Variants in PHF12 observed in about 807,000 individuals in gnomAD.
The protein encoded by PHF12 is PHD factor 1.
In PHF12, 6 loss-of-function variants were observed where a neutral mutation model predicts 99.8. The ratio of observed to expected loss-of-function variants is 0.06; its 90% CI spans 0.03 to 0.12. The LOEUF (loss-of-function observed/expected upper bound fraction) is 0.12, where lower values mean the gene tolerates loss of function less well. PHF12 is among the 10% of genes least tolerant of loss of function. PHF12 has a pLI of 1.00. For missense variants in PHF12, 954 were observed against 1,300.1 expected, an observed-to-expected ratio of 0.73 and a Z score of 4.09; for synonymous variants, 480 against 514.9, an observed-to-expected ratio of 0.93 and a Z score of 0.92.
chr17:28,910,172 C>A (rs758780197), intron 11 of PHF12, 54 bp downstream of exon 11: 9 of 1,612,672 alleles, frequency 5.6e-6, no homozygotes, highest in Non-Finnish European at 7.6e-6. Flanking sequence ...GGTGACCATT[C>A]GCACACGTAG....
At chr17:28,942,906 T>C (rs1424148763) in intron 2 of PHF12, among the ~76,000 whole-genome samples, 1 of 152,100 alleles carries the variant, frequency 6.6e-6, no homozygotes, top group Non-Finnish European at 1.5e-5. Flanking sequence ...AGAATACTTG[T>C]AAATCATATA....
intron 2 of PHF12, among the ~76,000 whole-genome samples, chr17:28,947,248 T>C (rs2040736677): frequency 6.6e-6 from 1 of 152,194 alleles, no homozygotes; most frequent in African/African-American, 2.4e-5. Flanking sequence ...CCCAAAGTGC[T>C]GGGATTACAG....
intron 2 of PHF12, among the ~76,000 whole-genome samples, chr17:28,936,923 C>A (rs183018852): frequency 0.016 from 2,478 of 152,228 alleles, 60 homozygotes; most frequent in African/African-American, 0.056. Flanking sequence ...ACTGGCCCTG[C>A]GGCCCTCATC....
At chr17:28,920,661 C>G (rs935992426) in intron 5 of PHF12, among the ~76,000 whole-genome samples, 1 of 152,052 alleles carries the variant, frequency 6.6e-6, no homozygotes, top group African/African-American at 2.4e-5. Context: ...CTCCTGGGTT[C>G]AAGTGATTCT....
chr17:28,931,256 CTT>C (rs34710675), intron 2 of PHF12, among the ~76,000 whole-genome samples: 127 of 127,492 alleles, frequency 1.0e-3, no homozygotes, highest in Non-Finnish European at 9.1e-4. Context: ...GCCATCATTC[CTT>C]TTTTTTTTTT....
intron 10 of PHF12, 104 bp downstream of exon 10, chr17:28,911,008 G>A: frequency 6.6e-7 from 1 of 1,520,256 alleles, no homozygotes; most frequent in Admixed American, 1.9e-5. Flanking sequence ...AGGCCTCTGG[G>A]ATCAGGTGTC....
chr17:28,915,476 C>T (rs2040045391), intron 7 of PHF12, among the ~76,000 whole-genome samples: 1 of 151,976 alleles, frequency 6.6e-6, no homozygotes, highest in Non-Finnish European at 1.5e-5. Flanking sequence ...AGATATGAGT[C>T]TGGATATAAG....
At chr17:28,930,195 T>C (rs915881356) in intron 2 of PHF12, among the ~76,000 whole-genome samples, 2 of 152,184 alleles carry the variant, frequency 1.3e-5, no homozygotes, top group African/African-American at 4.8e-5. Context: ...ACACCACTCT[T>C]CCCTAACTAC....
rs977003202 is a variant in PHF12 at position 28,950,676 on chromosome 17, A to G, written c.66+219T>C. ...ATGGAGTGGGCTGGCGCCTCGGGAGAGCGAATCGAGGGCGGCGGGTAGGTG... is the reference window on the plus strand; with the variant it reads ...ATGGAGTGGGCTGGCGCCTCGGGAGGGCGAATCGAGGGCGGCGGGTAGGTG... On this transcript the variant is annotated intron_variant, in intron 1 of 14. Coordinates refer to ENST00000332830, the MANE Select transcript of PHF12 (RefSeq NM_001033561.2). The surrounding 1 kb of genome is among the most constrained non-coding windows in gnomAD (Gnocchi z 5.7). 1 of 611,584 alleles carries G rather than the reference A, an allele frequency of 1.6e-6. No individual in the cohort carries two copies. 37.9% of individuals were successfully genotyped at this position (611,584 alleles called of 1,614,324 possible). A position where few individuals can be genotyped will look rare whatever the true frequency, so the allele number is the denominator to read the frequency against.
chr17:28,948,968 G>A (rs1009052605), intron 2 of PHF12, among the ~76,000 whole-genome samples: 1 of 152,074 alleles, frequency 6.6e-6, no homozygotes, highest in Admixed American at 6.6e-5. Context: ...GATTTCGGCC[G>A]GCAGAAGATG....
Position 28,924,005 on chromosome 17 carries a change from T to C in PHF12, c.619A>G (p.Arg207Gly). The C allele has an allele frequency of 6.2e-7, 1 of 1,614,154 alleles. No individual in the cohort carries two copies. The highest frequency in any genetic ancestry group is 8.5e-7 in the Non-Finnish European group (1 of 1,180,040). ...GCAATCAGCAGCTCAAAGGGCCGCCTCAGCTGGGGCTGCACATAGTCTGGC... is the reference window on the plus strand; with the variant it reads ...GCAATCAGCAGCTCAAAGGGCCGCCCCAGCTGGGGCTGCACATAGTCTGGC... ...AEPDYVQPQL[R>G]RPFELLIAAA... is the part of the protein sequence containing the mutation. Residue 207 changes from arginine (R) to glycine (G), a missense_variant, in exon 4 of 15, where the codon AGG (arginine) becomes GGG (glycine). Coordinates refer to ENST00000332830, the MANE Select transcript of PHF12 (RefSeq NM_001033561.2).
chr17:28,931,615 C>T (rs191213832), intron 2 of PHF12, among the ~76,000 whole-genome samples: 9 of 146,772 alleles, frequency 6.1e-5, no homozygotes, highest in Non-Finnish European at 9.0e-5. Flanking sequence ...GTAGTCTCAC[C>T]GTATCACCCA....
chr17:28,935,231 G>A (rs1039028886), intron 2 of PHF12, among the ~76,000 whole-genome samples: 5 of 152,154 alleles, frequency 3.3e-5, no homozygotes, highest in South Asian at 2.1e-4. Context: ...GCCAGAAAGC[G>A]ACCGTTCACT....
chr17:28,945,577 G>A (rs1286543049), intron 2 of PHF12, among the ~76,000 whole-genome samples: 2 of 152,110 alleles, frequency 1.3e-5, no homozygotes, highest in Non-Finnish European at 1.5e-5. Flanking sequence ...AGTCTGTTTG[G>A]AGCAAAATGC....
intron 5 of PHF12, among the ~76,000 whole-genome samples, chr17:28,919,508 G>A (rs28377648): frequency 0.018 from 2,712 of 152,170 alleles, 75 homozygotes; most frequent in African/African-American, 0.058. Flanking sequence ...CGAGGTGGGC[G>A]GATTGCCTGA....
rs748934806 is a variant in PHF12, at chr17:28,906,243, G to A, written c.2955C>T (p.Ala985=). The part of the protein sequence containing the change: ...DASLLQDGVL[A]EKLSLKPHQG... ...GGTGGGGCTTGAGAGAGAGCTTCTC[G>A]GCCAAGACCCCATCCTGCAGCAGGC... Residue 985 remains alanine (A), a synonymous_variant, in exon 15 of 15, where the codon GCC becomes GCT. Coordinates refer to ENST00000332830, the MANE Select transcript of PHF12 (RefSeq NM_001033561.2). This position sits in a 1 kb window ranked among gnomAD's most constrained non-coding sequence, Gnocchi z 4.2. 3.7e-5 allele frequency: 60 copies of A among 1,612,490 alleles called. No individual in the cohort carries two copies. The highest frequency in any genetic ancestry group is 4.8e-5 in the Non-Finnish European group (56 of 1,178,814).
intron 2 of PHF12, among the ~76,000 whole-genome samples, chr17:28,933,025 C>G (rs147874930): frequency 2.8e-3 from 422 of 152,300 alleles, no homozygotes; most frequent in Non-Finnish European, 5.0e-3. Flanking sequence ...CAATTACATG[C>G]ACACCAGAGT....
chr17:28,941,910 A>G (rs1390602898), intron 2 of PHF12, among the ~76,000 whole-genome samples: 1 of 152,084 alleles, frequency 6.6e-6, no homozygotes, highest in African/African-American at 2.4e-5. Flanking sequence ...CTCAGCCAAC[A>G]TCTTCTTTCT....
intron 7 of PHF12, among the ~76,000 whole-genome samples, chr17:28,915,629 G>A (rs1204802133): frequency 6.6e-6 from 1 of 152,176 alleles, no homozygotes; most frequent in Non-Finnish European, 1.5e-5. Flanking sequence ...TACCCCTGGG[G>A]TAAGAACAGG....
Sources: gnomAD v4.1 joint callset for allele counts (sites outside exome capture counted in the v4.1 genomes callset) on GRCh38, gnomAD v4.1.1 for gene constraint, Gnocchi (gnomAD v3.1) non-coding constraint, MANE v1.5 for transcripts, NCBI Gene and HGNC (gene_info 2026-07-23, HGNC 2026-07-21) for gene names.